GPR158: variants seen among roughly 807,000 people sequenced by gnomAD.
GPR158 encodes the protein metabotropic glycine receptor.
A neutral mutation model predicts 78.2 loss-of-function variants in GPR158; 30 were observed. That is an observed-to-expected ratio of 0.38 (90% CI 0.29 to 0.52). The LOEUF is 0.52. Among genes scored for constraint, GPR158 ranks in the 20% least tolerant of loss-of-function variants. GPR158 has a pLI of 0.83. For synonymous variants in GPR158, 581 were observed against 591.1 expected (o/e 0.98, Z 0.25); for missense variants, 1,463 against 1,523.5 (o/e 0.96, Z 0.66).
At chr10:25,494,107 T>C (rs1189566309) in intron 5 of GPR158, among the ~76,000 whole-genome samples, 1 of 152,194 alleles carries the variant, frequency 6.6e-6, no homozygotes, top group East Asian at 1.9e-4. Flanking sequence ...ACTTCTGCAT[T>C]TCTCAATAGT....
At chr10:25,496,596 T>C (rs189556248) in intron 5 of GPR158, among the ~76,000 whole-genome samples, 223 of 152,266 alleles carry the variant, frequency 1.5e-3, no homozygotes, top group African/African-American at 5.3e-3. Flanking sequence ...TAGGAGGCAT[T>C]TGAGAGGAAA....
intron 2 of GPR158, among the ~76,000 whole-genome samples, chr10:25,293,631 G>A (rs1461517270): frequency 6.6e-6 from 1 of 152,146 alleles, no homozygotes; most frequent in Non-Finnish European, 1.5e-5. Flanking sequence ...GGAAATACCA[G>A]ATAATCAGAT....
rs71399977 is a variant in GPR158 at position 25,586,391 on chromosome 10, ATTTTTT to A, written c.1754-2591_1754-2586del. On this transcript the variant is annotated intron_variant, in intron 7 of 10. Transcript: ENST00000376351. The stretch of plus-strand genomic sequence containing the variant: ...CAGGGTTGTAAGTAGGTATGTGTGA[ATTTTTT>A]TTTTTTTTTTTTTTTTTTTTTTTTG... Among the ~76,000 whole-genome samples, 90 of 70,896 alleles carry A rather than the reference ATTTTTT, an allele frequency of 1.3e-3. 2 individuals are homozygous for A. The highest frequency in any genetic ancestry group is 4.4e-3 in the African/African-American group (85 of 19,138). 46.5% of individuals were successfully genotyped at this position (70,896 alleles called of 152,430 possible).
intron 4 of GPR158, among the ~76,000 whole-genome samples, chr10:25,443,365 G>C (rs1835094255): frequency 6.6e-6 from 1 of 151,818 alleles, no homozygotes; most frequent in Non-Finnish European, 1.5e-5. Flanking sequence ...GACCAGCCTG[G>C]CCAATTTGGT....
In GPR158 at chr10:25,516,132, A is replaced by AT. The variant is rs1564476778; in HGVS notation, c.1405-34838dup. ...TCTCTGATGGCCAGTGATGATGAGC[A>AT]TTTTTTCATGTGTTTTTTGGCTGCA... On this transcript the variant is annotated intron_variant, in intron 5 of 10. Coordinates refer to ENST00000376351, the MANE Select transcript of GPR158 (RefSeq NM_020752.3). Among the ~76,000 whole-genome samples, 3 of 151,842 alleles carry AT rather than the reference A, an allele frequency of 2.0e-5. No homozygotes were observed. In the East Asian group the frequency reaches 5.8e-4, roughly 30 times the overall value.
Position 25,276,003 on chromosome 10 carries a change from T to A in GPR158, c.1008+54846T>A, listed in dbSNP as rs116331231. 4.2e-3 allele frequency among the ~76,000 whole-genome samples: 639 copies of A among 152,314 alleles called. 4 individuals carry two copies. Among genetic ancestry groups the A allele is most frequent in the African/African-American group, 0.015 (615 of 41,572 alleles). On this transcript the variant is annotated intron_variant, in intron 2 of 10. Coordinates refer to ENST00000376351, the MANE Select transcript of GPR158 (RefSeq NM_020752.3). ...ATCATCTTTGACTTGTTATTCTTAATGGTCTTGCTGCTTCCCAGGTCTGTT... is the reference window on the plus strand; with the variant it reads ...ATCATCTTTGACTTGTTATTCTTAAAGGTCTTGCTGCTTCCCAGGTCTGTT...
intron 2 of GPR158, among the ~76,000 whole-genome samples, chr10:25,344,606 A>G (rs1855347926): frequency 6.6e-6 from 1 of 151,994 alleles, no homozygotes; most frequent in African/African-American, 2.4e-5. Flanking sequence ...AAAAATACTG[A>G]AGTCTAAACA....
chr10:25,401,130 G>A (rs901688972), intron 3 of GPR158, among the ~76,000 whole-genome samples: 7 of 151,914 alleles, frequency 4.6e-5, no homozygotes, highest in East Asian at 1.9e-4. Flanking sequence ...CTGGGGAGTC[G>A]GGACATTTGC....
chr10:25,573,075 T>C (rs1444728957), intron 7 of GPR158, among the ~76,000 whole-genome samples, 188 bp downstream of exon 7: 1 of 152,208 alleles, frequency 6.6e-6, no homozygotes, highest in Non-Finnish European at 1.5e-5. Flanking sequence ...GAAGTTTCTA[T>C]TGTTTTTCAA....
intron 2 of GPR158, among the ~76,000 whole-genome samples, chr10:25,223,433 T>C (rs188083134): frequency 3.5e-4 from 54 of 152,294 alleles, no homozygotes; most frequent in Admixed American, 2.0e-3. Context: ...ACACATTGTA[T>C]TGGGCTTCTC....
At position 25,598,567 on chromosome 10, in the gene GPR158, G is replaced by C. The variant is rs1304867642; in HGVS notation, c.2941G>C (p.Val981Leu). ...ATCTGGGATTATGAAACAACAAAGG[G>C]TCAACCCCACCACTGCCAATTCTGA... Reference protein sequence around the residue: ...QKSGIMKQQRVNPTTANSDLN... With the variant: ...QKSGIMKQQRLNPTTANSDLN... Residue 981 changes from valine (V) to leucine (L), a missense_variant, in exon 11 of 11, where the codon GTC becomes CTC. Coordinates refer to ENST00000376351, the MANE Select transcript of GPR158 (RefSeq NM_020752.3). 3.7e-6 allele frequency: 6 copies of C among 1,613,746 alleles called. No individual in the cohort carries two copies. In the Admixed American group the frequency reaches 5.0e-5, roughly 13 times the overall value.
At chr10:25,317,724 T>TC (rs1371151612) in intron 2 of GPR158, among the ~76,000 whole-genome samples, 1 of 140,470 alleles carries the variant, frequency 7.1e-6, no homozygotes, top group Non-Finnish European at 1.5e-5. Context: ...GTGTTTTTTT[T>TC]TGTTTTGTTT....
At chr10:25,317,661 A>C (rs977678832) in intron 2 of GPR158, among the ~76,000 whole-genome samples, 5 of 150,770 alleles carry the variant, frequency 3.3e-5, no homozygotes, top group African/African-American at 1.2e-4. Context: ...CTTTGTGTTT[A>C]GGTTTAAATC....
chr10:25,175,453 C>A lies in GPR158; in HGVS notation c.33C>A (p.Cys11Ter). 1 of 1,600,514 alleles carries A rather than the reference C, an allele frequency of 6.2e-7. No homozygotes were observed. Among genetic ancestry groups the A allele is most frequent in the Non-Finnish European group, 8.5e-7 (1 of 1,173,240 alleles). ...CCATGGCTTACCCCTTACTCCTCTG[C>A]CTCCTGCTTGCTCAGCTGGGATTGG... MGAMAYPLLL[C>*]LLLAQLGLGA... Residue 11 changes from cysteine (C) to a stop codon, truncating the protein, a stop_gained, in exon 1 of 11, where the codon TGC (cysteine) becomes TGA (stop). Transcript: ENST00000376351. LOFTEE classifies it high-confidence loss of function. This position sits in a 1 kb window ranked among gnomAD's most constrained non-coding sequence, Gnocchi z 6.4.
At chr10:25,265,731 G>A (rs1197486071) in intron 2 of GPR158, among the ~76,000 whole-genome samples, 1 of 152,136 alleles carries the variant, frequency 6.6e-6, no homozygotes, top group Non-Finnish European at 1.5e-5. Flanking sequence ...CTGGGATTCT[G>A]CCAAGAGGGT....
intron 2 of GPR158, among the ~76,000 whole-genome samples, chr10:25,382,694 T>C (rs980803156): frequency 6.6e-6 from 1 of 152,160 alleles, no homozygotes; most frequent in African/African-American, 2.4e-5. Flanking sequence ...GTGTTTTCCT[T>C]TGGCTTTAAT....
At chr10:25,559,367 T>C (rs1292126680) in intron 6 of GPR158, among the ~76,000 whole-genome samples, 1 of 152,238 alleles carries the variant, frequency 6.6e-6, no homozygotes, top group Non-Finnish European at 1.5e-5. Context: ...TAAGACACTC[T>C]CATATTATGC....
intron 2 of GPR158, among the ~76,000 whole-genome samples, chr10:25,356,417 G>A (rs936298829): frequency 2.6e-5 from 4 of 151,886 alleles, no homozygotes; most frequent in Admixed American, 6.6e-5. Context: ...TGACTTATTG[G>A]TTGTTTAAGA....
At chr10:25,244,319 A>C (rs1475485795) in intron 2 of GPR158, among the ~76,000 whole-genome samples, 1 of 152,184 alleles carries the variant, frequency 6.6e-6, no homozygotes, top group Non-Finnish European at 1.5e-5. Context: ...GTAATACCAG[A>C]GATAGCCTAA....
Sources: allele counts gnomAD v4.1 joint callset (sites outside exome capture counted in the v4.1 genomes callset), GRCh38; gene constraint gnomAD v4.1.1; non-coding constraint Gnocchi (gnomAD v3.1); transcripts MANE v1.5; gene names NCBI Gene and HGNC (gene_info 2026-07-23, HGNC 2026-07-21).